ASAP1: variants seen among roughly 807,000 people sequenced by gnomAD.
ASAP1 encodes ArfGAP with SH3 domain, ankyrin repeat and PH domain 1.
ASAP1 carries 43 observed loss-of-function variants against 145.2 expected under a neutral mutation model. The observed-to-expected ratio is 0.30, with a 90% CI of 0.23 to 0.38. ASAP1 has a LOEUF of 0.38. Among genes scored for constraint, ASAP1 ranks in the 10% least tolerant of loss-of-function variants. The pLI, the probability that ASAP1 is intolerant of heterozygous loss-of-function variation, is 1.00. For synonymous variants in ASAP1, 546 were observed against 515.5 expected, an observed-to-expected ratio of 1.06 and a Z score of -0.80; for missense variants, 1,018 against 1,355.3, an observed-to-expected ratio of 0.75 and a Z score of 3.91.
At chr8:130,118,460 T>C (rs2097560027) in intron 19 of ASAP1, 29 bp downstream of exon 19, 1 of 1,579,438 alleles carries the variant, frequency 6.3e-7, no homozygotes, top group South Asian at 1.1e-5. Context: ...CACATTACTT[T>C]TTATCCAATG....
chr8:130,306,413 A>C (rs1279486566), intron 3 of ASAP1, among the ~76,000 whole-genome samples: 1 of 152,210 alleles, frequency 6.6e-6, no homozygotes, highest in African/African-American at 2.4e-5. Flanking sequence ...CCACACTGAC[A>C]ACCCCTTTAG....
At chr8:130,078,903 TA>T (rs1564934334) in intron 26 of ASAP1, among the ~76,000 whole-genome samples, 1 of 151,732 alleles carries the variant, frequency 6.6e-6, no homozygotes, top group Admixed American at 6.6e-5. Context: ...ATAGTGGTAT[TA>T]AAAAAAAGGC....
chr8:130,108,254 G>C (rs1325388385), intron 24 of ASAP1, among the ~76,000 whole-genome samples: 1 of 152,172 alleles, frequency 6.6e-6, no homozygotes, highest in Non-Finnish European at 1.5e-5. Context: ...AATACTTACA[G>C]GTATTCACAT....
At chr8:130,164,134 A>G (rs1164823238) in intron 11 of ASAP1, among the ~76,000 whole-genome samples, 5 of 152,238 alleles carry the variant, frequency 3.3e-5, no homozygotes, top group Admixed American at 6.5e-5. Context: ...GCTACAGGAC[A>G]GATACTGTGA....
chr8:130,411,772 C>T (rs987013379), intron 1 of ASAP1, among the ~76,000 whole-genome samples: 3 of 152,186 alleles, frequency 2.0e-5, no homozygotes, highest in Non-Finnish European at 4.4e-5. Context: ...CCTGACTCAG[C>T]GGCTTCCCAG....
chr8:130,307,682 T>TGA (rs1823077217), intron 3 of ASAP1, among the ~76,000 whole-genome samples: 1 of 152,152 alleles, frequency 6.6e-6, no homozygotes, highest in Non-Finnish European at 1.5e-5. Context: ...AACAGCTTGG[T>TGA]GAGGTAGGAG....
At chr8:130,227,381 T>C (rs898374799) in intron 4 of ASAP1, among the ~76,000 whole-genome samples, 1 of 152,062 alleles carries the variant, frequency 6.6e-6, no homozygotes, top group African/African-American at 2.4e-5. Context: ...GACTCCTGAG[T>C]AGCTGGAACC....
chr8:130,259,351 G>A (rs183198886), intron 3 of ASAP1, among the ~76,000 whole-genome samples: 2 of 152,068 alleles, frequency 1.3e-5, no homozygotes, highest in East Asian at 1.9e-4. Context: ...TATTTCTCAC[G>A]AGTTCCTTCT....
chr8:130,368,226 T>C (rs1020945137), intron 2 of ASAP1, among the ~76,000 whole-genome samples: 2 of 152,194 alleles, frequency 1.3e-5, no homozygotes, highest in African/African-American at 4.8e-5. Context: ...TATATTTACA[T>C]AGACAGCAGA....
At chr8:130,141,547 TCTCA>T (rs1185970625) in intron 13 of ASAP1, among the ~76,000 whole-genome samples, 1 of 152,116 alleles carries the variant, frequency 6.6e-6, no homozygotes, top group Non-Finnish European at 1.5e-5. Flanking sequence ...CTGTCTTCCT[TCTCA>T]CTAAGGACAC....
chr8:130,221,957 G>A (rs958909838), intron 4 of ASAP1, among the ~76,000 whole-genome samples: 7 of 152,110 alleles, frequency 4.6e-5, no homozygotes, highest in South Asian at 2.1e-4. Context: ...CCTCGTACAC[G>A]ATGAGCTCAA....
chr8:130,303,622 G>C (rs1015204475), intron 3 of ASAP1, among the ~76,000 whole-genome samples: 6 of 152,090 alleles, frequency 3.9e-5, no homozygotes, highest in Admixed American at 2.6e-4. Flanking sequence ...AAAAGACATG[G>C]AGGAACCTTA....
chr8:130,428,043 T>A (rs1228556280), intron 1 of ASAP1, among the ~76,000 whole-genome samples: 2 of 152,130 alleles, frequency 1.3e-5, no homozygotes, highest in African/African-American at 4.8e-5. Context: ...GTCTCTACAC[T>A]TGGCCACAAA....
intron 27 of ASAP1, among the ~76,000 whole-genome samples, chr8:130,074,790 T>C (rs77900607): frequency 9.9e-4 from 150 of 152,054 alleles, no homozygotes; most frequent in African/African-American, 3.2e-3. Context: ...GGCTGAAAGG[T>C]TGCGGTGCTG....
At chr8:130,065,359 G>C (rs1293819342) in intron 27 of ASAP1, among the ~76,000 whole-genome samples, 2 of 152,296 alleles carry the variant, frequency 1.3e-5, no homozygotes, top group South Asian at 2.1e-4. Flanking sequence ...CACGGGTTTA[G>C]CTTTCTAGAA....
chr8:130,299,494 T>C (rs1473782505), intron 3 of ASAP1, among the ~76,000 whole-genome samples: 5 of 152,188 alleles, frequency 3.3e-5, no homozygotes, highest in Non-Finnish European at 1.5e-5. Flanking sequence ...ACCTTTCTCA[T>C]CCTCATCCCC....
At chr8:130,340,782 G>T in intron 3 of ASAP1, 1 of 401,072 alleles carries the variant, frequency 2.5e-6, no homozygotes, top group Non-Finnish European at 5.0e-6. Flanking sequence ...GCTATTTTAA[G>T]GATAAAATTT....
chr8:130,354,286 A>G (rs1029032737), intron 3 of ASAP1, among the ~76,000 whole-genome samples: 1 of 152,192 alleles, frequency 6.6e-6, no homozygotes, highest in Non-Finnish European at 1.5e-5. Context: ...TTCTCTATAA[A>G]ATGGAAACGA....
At chr8:130,387,413 G>A (rs1343826125) in intron 2 of ASAP1, among the ~76,000 whole-genome samples, 1 of 152,038 alleles carries the variant, frequency 6.6e-6, no homozygotes, top group African/African-American at 2.4e-5. Context: ...GCGCTCGCCT[G>A]TAATCCCACT....
Sources: allele counts gnomAD v4.1 joint callset (sites outside exome capture counted in the v4.1 genomes callset), GRCh38; gene constraint gnomAD v4.1.1; transcripts MANE v1.5; gene names NCBI Gene and HGNC (gene_info 2026-07-23, HGNC 2026-07-21).